MB21D2: variants seen among roughly 807,000 people sequenced by gnomAD.
MB21D2 encodes Mab-21 domain containing 2, also known as nucleotidyltransferase MB21D2.
In MB21D2, 9 loss-of-function variants were observed where a neutral mutation model predicts 33.3. The ratio of observed to expected loss-of-function variants is 0.27; its 90% CI spans 0.16 to 0.47. The LOEUF is 0.47. Ranked by LOEUF, MB21D2 falls within the 20% of genes least tolerant of loss-of-function variation. The probability of loss-of-function intolerance (pLI) is 0.99; values close to 1 mark genes in which losing one functional copy is unlikely to be tolerated. For missense variants in MB21D2, 540 were observed against 624.6 expected (o/e 0.86, Z 1.44); for synonymous variants, 241 against 236.3 (o/e 1.02, Z -0.18).
rs568639478 is a variant in MB21D2 at position 192,839,919 on chromosome 3, G to A, written c.212-40269C>T. ...TTTTTAAAGAGATTCAAAAAATTCC[G>A]TTTTAGGGAAACTCACTGTGGAGAA... On this transcript the variant is annotated intron_variant, in intron 1 of 1. Coordinates refer to ENST00000392452, the MANE Select transcript of MB21D2 (RefSeq NM_178496.4). Among the ~76,000 whole-genome samples, 49 of 152,116 alleles carry A rather than the reference G, an allele frequency of 3.2e-4. No homozygotes were observed. The South Asian group carries it at 4.1e-3, about 13-fold the overall frequency.
chr3:192,848,100 A>G (rs1712712488), intron 1 of MB21D2, among the ~76,000 whole-genome samples: 1 of 152,234 alleles, frequency 6.6e-6, no homozygotes, highest in African/African-American at 2.4e-5. Context: ...CACATATTTT[A>G]AAGTTATTTA....
At chr3:192,893,982 C>T (rs1713911517) in intron 1 of MB21D2, among the ~76,000 whole-genome samples, 1 of 152,086 alleles carries the variant, frequency 6.6e-6, no homozygotes, top group Non-Finnish European at 1.5e-5. Flanking sequence ...GCTGCCTGAG[C>T]TATGATTGTG....
At chr3:192,801,259 G>A (rs1577165557) in intron 1 of MB21D2, among the ~76,000 whole-genome samples, 1 of 152,034 alleles carries the variant, frequency 6.6e-6, no homozygotes, top group Non-Finnish European at 1.5e-5. Flanking sequence ...ACTTGCTTAC[G>A]CTTGATTCTC....
chr3:192,847,071 A>T (rs552094564), intron 1 of MB21D2, among the ~76,000 whole-genome samples: 186 of 152,296 alleles, frequency 1.2e-3, no homozygotes, highest in African/African-American at 4.1e-3. Flanking sequence ...TACCTTGGAA[A>T]GAGTCATCCC....
intron 1 of MB21D2, among the ~76,000 whole-genome samples, chr3:192,887,410 T>C (rs192025568): frequency 6.6e-6 from 1 of 152,238 alleles, no homozygotes. Context: ...GTTCTTGAAA[T>C]TGATTGCACA....
intron 1 of MB21D2, among the ~76,000 whole-genome samples, chr3:192,856,780 T>G (rs1285425856): frequency 6.6e-6 from 1 of 152,194 alleles, no homozygotes; most frequent in Non-Finnish European, 1.5e-5. Context: ...CTTGAACTTG[T>G]AGACTCAAGC....
intron 1 of MB21D2, among the ~76,000 whole-genome samples, chr3:192,890,578 T>C (rs1048033007): frequency 2.1e-5 from 3 of 146,064 alleles, no homozygotes; most frequent in African/African-American, 7.9e-5. Context: ...CTGTAAGCAA[T>C]GATTACAGAA....
chr3:192,798,515 C>T lies in MB21D2; in HGVS notation c.1347G>A (p.Gln449=), dbSNP rs1386637449. The change falls in exon 2 of 2, where the codon CAG becomes CAA. Residue 449 remains glutamine (Q), a synonymous_variant. Transcript: ENST00000392452. This position sits in a 1 kb window ranked among gnomAD's most constrained non-coding sequence, Gnocchi z 4.8. The part of the protein sequence containing the change: ...SPQSDGGDPN[Q]PDDRLAKKLQ... ...GTTTTTTTGCCAAACGGTCATCAGG[C>T]TGGTTGGGGTCCCCTCCGTCAGACT... is the stretch of plus-strand genomic sequence containing the variant. The T allele has an allele frequency of 6.2e-7, 1 of 1,614,146 alleles. No homozygotes were observed. The highest frequency in any genetic ancestry group is 2.2e-5 in the East Asian group (1 of 44,872).
chr3:192,826,103 G>A (rs143144469), intron 1 of MB21D2, among the ~76,000 whole-genome samples: 5 of 152,280 alleles, frequency 3.3e-5, no homozygotes, highest in East Asian at 1.9e-4. Context: ...CACTATTCAC[G>A]AGGATAGTAA....
chr3:192,866,499 G>T (rs1487611244), intron 1 of MB21D2, among the ~76,000 whole-genome samples: 1 of 152,168 alleles, frequency 6.6e-6, no homozygotes, highest in African/African-American at 2.4e-5. Flanking sequence ...CAATATGTAT[G>T]CTGTTGAGAT....
chr3:192,912,707 C>A (rs933841428), intron 1 of MB21D2, among the ~76,000 whole-genome samples: 1 of 151,994 alleles, frequency 6.6e-6, no homozygotes, highest in Non-Finnish European at 1.5e-5. Flanking sequence ...AAGAAATTAT[C>A]TTTGCTCCTA....
chr3:192,828,689 C>T (rs1378551794), intron 1 of MB21D2, among the ~76,000 whole-genome samples: 2 of 130,844 alleles, frequency 1.5e-5, no homozygotes, highest in Non-Finnish European at 1.6e-5. Context: ...CGCTCTGTCG[C>T]CCAGGCTAGA....
chr3:192,819,236 T>C (rs945769946), intron 1 of MB21D2, among the ~76,000 whole-genome samples: 2 of 151,680 alleles, frequency 1.3e-5, no homozygotes, highest in Non-Finnish European at 2.9e-5. Context: ...TATTAAGATT[T>C]ACATGCAAAA....
At chr3:192,838,292 G>A (rs9876221) in intron 1 of MB21D2, among the ~76,000 whole-genome samples, 81,782 of 152,046 alleles carry the variant, frequency 0.54, 22,503 homozygotes, top group East Asian at 0.76. Context: ...AAACCACAGT[G>A]CCTTTAATGA....
chr3:192,866,954 G>A (rs1713180831), intron 1 of MB21D2, among the ~76,000 whole-genome samples: 3 of 152,166 alleles, frequency 2.0e-5, no homozygotes, highest in Non-Finnish European at 4.4e-5. Flanking sequence ...CCTCCCAGAA[G>A]GGAGAAGGAA....
chr3:192,900,408 A>G (rs763250598), intron 1 of MB21D2, among the ~76,000 whole-genome samples: 176 of 152,164 alleles, frequency 1.2e-3, no homozygotes, highest in Non-Finnish European at 2.0e-3. Context: ...AAAATCAAAA[A>G]GAATACGTTG....
intron 1 of MB21D2, among the ~76,000 whole-genome samples, chr3:192,882,869 G>A (rs1449241668): frequency 6.6e-6 from 1 of 151,896 alleles, no homozygotes; most frequent in African/African-American, 2.4e-5. Flanking sequence ...CGAGTAGCTG[G>A]GACTACAGGT....
chr3:192,797,102 CAG>C lies in MB21D2; in HGVS notation c.*1282_*1283del, dbSNP rs1720539048. 6.6e-6 allele frequency: 1 copy of C among 152,612 alleles called. No individual in the cohort carries two copies. Among genetic ancestry groups the C allele is most frequent in the Admixed American group, 6.5e-5 (1 of 15,272 alleles). 9.5% of individuals were successfully genotyped at this position (152,612 alleles called of 1,614,324 possible). ...AGCTTGCCATGAGTCCACACCAAAA[CAG>C]GGAGCCAATACCTTCCAGCACCTAA... On this transcript the variant is annotated 3_prime_UTR_variant, in exon 2 of 2. Transcript: ENST00000392452.
At chr3:192,856,475 C>G (rs1218832171) in intron 1 of MB21D2, among the ~76,000 whole-genome samples, 1 of 152,180 alleles carries the variant, frequency 6.6e-6, no homozygotes. Context: ...CCCAGTTAAT[C>G]TTTCTCATGG....
Sources: allele counts gnomAD v4.1 joint callset (sites outside exome capture counted in the v4.1 genomes callset), GRCh38; gene constraint gnomAD v4.1.1; non-coding constraint Gnocchi (gnomAD v3.1); transcripts MANE v1.5; gene names NCBI Gene and HGNC (gene_info 2026-07-23, HGNC 2026-07-21).